Variants in NAV2 observed in about 807,000 individuals in gnomAD.
The protein encoded by NAV2 is helicase, APC down-regulated 1.
In NAV2, 54 loss-of-function variants were observed where a neutral mutation model predicts 223.2. That is an observed-to-expected ratio of 0.24 (90% confidence interval 0.19 to 0.30). The LOEUF (loss-of-function observed/expected upper bound fraction) is 0.30. Among genes scored for constraint, NAV2 ranks in the 10% least tolerant of loss-of-function variants. The pLI, the probability that NAV2 is intolerant of heterozygous loss-of-function variation, is 1.00. For missense variants in NAV2, 2,806 were observed against 3,147.5 expected, an observed-to-expected ratio of 0.89 and a Z score of 2.60; for synonymous variants, 1,279 against 1,239.3, an observed-to-expected ratio of 1.03 and a Z score of -0.67.
intron 3 of NAV2, among the ~76,000 whole-genome samples, chr11:19,844,746 G>A (rs1209110107): frequency 6.6e-6 from 1 of 151,114 alleles, no homozygotes; most frequent in Non-Finnish European, 1.5e-5. Flanking sequence ...ATGCAGTGTT[G>A]CAGTTTCTCT....
Position 19,879,928 on chromosome 11 carries a change from AAGCAGC to A in NAV2, c.584_589del (p.Gln195_Gln196del). ...CCTCTTCTTCAGCCTCTCCCGATAC[AAGCAGC>A]AGCAGCAGCAGCCCCAGAAGCAGCA... On this transcript the variant is annotated inframe_deletion, in exon 5 of 38. Coordinates refer to ENST00000349880, the MANE Select transcript of NAV2 (RefSeq NM_145117.5). 3.1e-6 allele frequency: 5 copies of A among 1,613,404 alleles called. No individual in the cohort carries two copies. Among genetic ancestry groups the A allele is most frequent in the Non-Finnish European group, 3.4e-6 (4 of 1,179,920 alleles).
intron 1 of NAV2, among the ~76,000 whole-genome samples, chr11:19,427,171 C>T (rs990796815): frequency 1.3e-5 from 2 of 152,194 alleles, no homozygotes; most frequent in South Asian, 4.1e-4. Context: ...GTCCCCTCTG[C>T]ACACATCTGT....
intron 1 of NAV2, among the ~76,000 whole-genome samples, chr11:19,763,959 G>T (rs904177162): frequency 6.6e-6 from 1 of 152,112 alleles, no homozygotes; most frequent in Non-Finnish European, 1.5e-5. Context: ...CCCAGTTAGT[G>T]GGTCTGACTG....
In NAV2 at chr11:19,675,897, T is replaced by A. The variant is rs951944404; in HGVS notation, c.76-156587T>A. On this transcript the variant is annotated intron_variant, in intron 1 of 37. Coordinates refer to the NAV2 transcript ENST00000360655. ...ATGTTAACATTTTCTGAGTGCTTACTCTGTACCATGCATTTGATGTATATT... is the reference window on the plus strand; with the variant it reads ...ATGTTAACATTTTCTGAGTGCTTACACTGTACCATGCATTTGATGTATATT... 1.4e-4 allele frequency among the ~76,000 whole-genome samples: 22 copies of A among 152,344 alleles called. No individual in the cohort carries two copies. In the South Asian group the frequency reaches 4.6e-3, roughly 32 times the overall value.
rs547638145 is a variant in NAV2 at position 19,404,025 on chromosome 11, G to C, written c.75+52998G>C. ...TGGGAAATGGTGAAGAGGTGAGTCT[G>C]AGGAGTGAGTGAGGGGACAGTGGGA... On this transcript the variant is annotated intron_variant, in intron 1 of 37. Transcript: ENST00000360655. 3.3e-5 allele frequency among the ~76,000 whole-genome samples: 5 copies of C among 152,284 alleles called. No individual in the cohort carries two copies. In the South Asian group the frequency reaches 8.3e-4, roughly 25 times the overall value.
At chr11:19,957,907 G>GA (rs552385887) in intron 10 of NAV2, among the ~76,000 whole-genome samples, 1,939 of 151,142 alleles carry the variant, frequency 0.013, 50 homozygotes, top group African/African-American at 0.045. Context: ...AAGAGAGAGA[G>GA]AAAAAAAAAT....
chr11:19,619,503 A>T (rs910818860), intron 1 of NAV2, among the ~76,000 whole-genome samples: 1 of 152,170 alleles, frequency 6.6e-6, no homozygotes, highest in Non-Finnish European at 1.5e-5. Context: ...CATTTCTCTG[A>T]TGGCCAGTGA....
chr11:19,505,368 C>T (rs1042740422), intron 1 of NAV2: 1 of 152,214 alleles, frequency 6.6e-6, no homozygotes, highest in Admixed American at 6.5e-5. Context: ...TGACCACTCC[C>T]AGGATTTCTT....
intron 6 of NAV2, among the ~76,000 whole-genome samples, chr11:19,910,859 G>A (rs2707105): frequency 0.09 from 13,671 of 151,940 alleles, 2,007 homozygotes; most frequent in African/African-American, 0.31. Flanking sequence ...CTCTGTCTCC[G>A]AAACAAAATA....
chr11:19,825,658 C>T (rs1398824195), intron 1 of NAV2, among the ~76,000 whole-genome samples: 2 of 152,170 alleles, frequency 1.3e-5, no homozygotes, highest in Non-Finnish European at 1.5e-5. Context: ...TGCTACCCGG[C>T]TTCATTTGAG....
chr11:19,455,128 T>C (rs1345177075), intron 1 of NAV2, among the ~76,000 whole-genome samples: 1 of 152,166 alleles, frequency 6.6e-6, no homozygotes, highest in East Asian at 1.9e-4. Context: ...TTTAGAAGAC[T>C]CAGAGAACTG....
chr11:19,970,700 C>T (rs2049163036), intron 10 of NAV2, among the ~76,000 whole-genome samples: 1 of 152,106 alleles, frequency 6.6e-6, no homozygotes, highest in Non-Finnish European at 1.5e-5. Context: ...GGGAGCCAGG[C>T]TTCAATTTTA....
At chr11:19,681,174 G>T (rs1156749991) in intron 1 of NAV2, among the ~76,000 whole-genome samples, 1 of 152,216 alleles carries the variant, frequency 6.6e-6, no homozygotes, top group Non-Finnish European at 1.5e-5. Flanking sequence ...CTGGGGACAA[G>T]GTCATGCCTG....
intron 11 of NAV2, among the ~76,000 whole-genome samples, chr11:20,006,921 T>A (rs1486094224): frequency 1.3e-5 from 2 of 151,626 alleles, no homozygotes; most frequent in African/African-American, 4.8e-5. Context: ...GTGGTAGAGC[T>A]GAGACTGGAC....
chr11:19,628,612 T>G (rs997977261), intron 1 of NAV2, among the ~76,000 whole-genome samples: 1 of 152,166 alleles, frequency 6.6e-6, no homozygotes, highest in Non-Finnish European at 1.5e-5. Flanking sequence ...GATCCTGAAG[T>G]CCGGATTCCT....
intron 1 of NAV2, among the ~76,000 whole-genome samples, chr11:19,743,708 T>C (rs1282622240): frequency 6.6e-6 from 1 of 152,254 alleles, no homozygotes; most frequent in Non-Finnish European, 1.5e-5. Context: ...TATCTGGACC[T>C]GGACACAAAG....
chr11:19,423,632 C>T (rs962752977), intron 1 of NAV2, among the ~76,000 whole-genome samples: 3 of 152,194 alleles, frequency 2.0e-5, no homozygotes, highest in Non-Finnish European at 2.9e-5. Flanking sequence ...AAGGCAAGTA[C>T]GATGTGAGGA....
chr11:19,723,383 T>C (rs910617055), intron 1 of NAV2, among the ~76,000 whole-genome samples: 3 of 97,082 alleles, frequency 3.1e-5, no homozygotes, highest in African/African-American at 2.4e-4. Context: ...ACAGCTGGTA[T>C]AGACAGTGTG....
intron 1 of NAV2, among the ~76,000 whole-genome samples, chr11:19,414,821 T>G (rs925086674): frequency 1.3e-5 from 2 of 152,224 alleles, no homozygotes; most frequent in African/African-American, 4.8e-5. Context: ...ACATGGAAAC[T>G]GAACAACCTG....
Sources: gnomAD v4.1 joint callset for allele counts (sites outside exome capture counted in the v4.1 genomes callset) on GRCh38, gnomAD v4.1.1 for gene constraint, MANE v1.5 for transcripts, NCBI Gene and HGNC (gene_info 2026-07-23, HGNC 2026-07-21) for gene names.